The following RABEP1 variants were observed in gnomAD, a reference collection of about 807,000 sequenced individuals.
The protein encoded by RABEP1 is rab GTPase-binding effector protein 1.
In RABEP1, 51 loss-of-function variants were observed where a neutral mutation model predicts 123.4. The ratio of observed to expected loss-of-function variants is 0.41; its 90% CI spans 0.33 to 0.52. RABEP1 has a LOEUF of 0.52. Among genes scored for constraint, RABEP1 ranks in the 20% least tolerant of loss-of-function variants. The probability of loss-of-function intolerance (pLI) is 0.16; values close to 1 mark genes in which losing one functional copy is unlikely to be tolerated. For missense variants in RABEP1, 888 were observed against 996.3 expected, an observed-to-expected ratio of 0.89 and a Z score of 1.46; for synonymous variants, 347 against 355.2, an observed-to-expected ratio of 0.98 and a Z score of 0.26.
At chr17:5,368,316 G>C in intron 11 of RABEP1, 54 bp from the exon 12 acceptor site, 1 of 1,250,280 alleles carries the variant, frequency 8.0e-7, no homozygotes, top group Non-Finnish European at 1.2e-6. Flanking sequence ...GGAAGAGTTA[G>C]TTTCAGAATA....
intron 2 of RABEP1, among the ~76,000 whole-genome samples, chr17:5,321,864 C>T (rs1237635496): frequency 1.3e-5 from 2 of 152,102 alleles, no homozygotes; most frequent in Admixed American, 6.5e-5. Context: ...TTGTGATTAG[C>T]CTGGGCAACC....
rs1276409289 is a variant in RABEP1 at position 5,383,182 on chromosome 17, G to C, written c.2548G>C (p.Asp850His). The change falls in exon 18 of 18, where the codon GAT (aspartate) becomes CAT (histidine). Residue 850 changes from aspartate to histidine, a missense_variant. Coordinates refer to ENST00000537505, the MANE Select transcript of RABEP1 (RefSeq NM_004703.6). ...SLERIRAILN[D>H]TKLTDINQLP... is the part of the protein sequence containing the mutation. ...GGAGAGAATCCGGGCAATTCTGAAT[G>C]ATACTAAACTGACAGACATTAACCA... The C allele has an allele frequency of 1.2e-6, 2 of 1,614,104 alleles. No individual in the cohort carries two copies. The highest frequency in any genetic ancestry group is 1.7e-6 in the Non-Finnish European group (2 of 1,180,022).
At chr17:5,319,350 C>CAAAAAAAA in intron 2 of RABEP1, among the ~76,000 whole-genome samples, 1 of 137,878 alleles carries the variant, frequency 7.3e-6, no homozygotes, top group Non-Finnish European at 1.6e-5. Context: ...AACAAAAAAA[C>CAAAAAAAA]AAAAAAAAAA....
chr17:5,374,997 G>A (rs1242751028), intron 13 of RABEP1, among the ~76,000 whole-genome samples: 4 of 151,788 alleles, frequency 2.6e-5, no homozygotes, highest in Admixed American at 2.0e-4. Flanking sequence ...GGCTGGTCTC[G>A]AACTCCTGAT....
At chr17:5,334,080 C>T (rs1906820909) in intron 3 of RABEP1, among the ~76,000 whole-genome samples, 2 of 145,432 alleles carry the variant, frequency 1.4e-5, no homozygotes, top group African/African-American at 2.5e-5. Flanking sequence ...GATACTTAGG[C>T]TTGAGTGCAG....
chr17:5,378,123 T>C, intron 14 of RABEP1, 54 bp from the exon 15 acceptor site: 3 of 1,398,440 alleles, frequency 2.1e-6, no homozygotes, highest in Non-Finnish European at 2.0e-6. Context: ...AAGAAAAAAA[T>C]GTTCATGCAC....
chr17:5,366,206 G>T (rs182815518), intron 11 of RABEP1, among the ~76,000 whole-genome samples: 1 of 152,074 alleles, frequency 6.6e-6, no homozygotes, highest in Admixed American at 6.6e-5. Context: ...TTTCACTGTG[G>T]CTTAGTTTGC....
At position 5,386,324 on chromosome 17, in the gene RABEP1, A is replaced by T; in HGVS notation, c.*3101A>T. ...GAATTATAATAAACCATTTATATGG[A>T]TTCTTAAGAATTTAAACTGGTAATG... is the stretch of plus-strand genomic sequence containing the variant. On this transcript the variant is annotated 3_prime_UTR_variant, in exon 18 of 18. Transcript: ENST00000537505. 1 of 1,296,990 alleles carries T rather than the reference A, an allele frequency of 7.7e-7. No individual in the cohort carries two copies. The highest frequency in any genetic ancestry group is 1.3e-5 in the South Asian group (1 of 76,960). The allele number at this position is 1,296,990 out of a possible 1,614,324, so 80.3% of individuals were successfully genotyped here.
chr17:5,335,251 G>A lies in RABEP1; in HGVS notation c.435G>A (p.Gln145=), dbSNP rs754298062. 6.2e-7 allele frequency: 1 copy of A among 1,614,026 alleles called. No homozygotes were observed. The highest frequency in any genetic ancestry group is 8.5e-7 in the Non-Finnish European group (1 of 1,179,912). The change falls in exon 4 of 18, where the codon CAG becomes CAA. Residue 145 remains glutamine (Q), a synonymous_variant. Transcript: ENST00000537505. ...AGCAGGAGCGAACACAGTGGGCACA[G>A]TATAGAGAATCCGCAGAGAGGGAAA... is the stretch of plus-strand genomic sequence containing the variant. ...RLEQERTQWA[Q]YRESAEREIA...
chr17:5,368,118 C>T (rs540577545), intron 11 of RABEP1, among the ~76,000 whole-genome samples: 1 of 152,190 alleles, frequency 6.6e-6, no homozygotes, highest in South Asian at 2.1e-4. Flanking sequence ...TTACTGTCTG[C>T]CTAGAAACCC....
At chr17:5,284,200 G>A (rs1388433270) in intron 1 of RABEP1, 1 of 152,160 alleles carries the variant, frequency 6.6e-6, no homozygotes, top group East Asian at 1.9e-4. Context: ...GGTCTTCCTT[G>A]TAAATAGGCA....
chr17:5,377,520 ATTTTTTT>A (rs960634048), intron 14 of RABEP1, among the ~76,000 whole-genome samples: 6 of 99,822 alleles, frequency 6.0e-5, no homozygotes, highest in South Asian at 3.6e-4. Flanking sequence ...TATTTAAAAA[ATTTTTTT>A]TTTTTTTTTT....
intron 1 of RABEP1, among the ~76,000 whole-genome samples, chr17:5,292,339 G>C (rs1222379018): frequency 6.6e-6 from 1 of 151,118 alleles, no homozygotes; most frequent in African/African-American, 2.4e-5. Flanking sequence ...CCATTTTTTT[G>C]TGTGCATTGC....
Position 5,361,314 on chromosome 17 carries a change from GACTCAGGAGAGC to G in RABEP1, c.1205_1216del (p.Leu402_Ala405del). The G allele has an allele frequency of 1.2e-6, 2 of 1,614,180 alleles. No individual in the cohort carries two copies. On this transcript the variant is annotated inframe_deletion, in exon 9 of 18. Coordinates refer to ENST00000537505, the MANE Select transcript of RABEP1 (RefSeq NM_004703.6). ...TCGGACAATGACATGTTTAAAGATG[GACTCAGGAGAGC>G]ACAGTCTACAGACAGCTTGGGAACC...
intron 5 of RABEP1, among the ~76,000 whole-genome samples, chr17:5,344,143 T>C (rs1029837961): frequency 2.0e-5 from 3 of 152,144 alleles, no homozygotes; most frequent in African/African-American, 7.2e-5. Context: ...TGACAAAATA[T>C]TAATATCCAA....
chr17:5,295,331 A>G (rs947870249), intron 1 of RABEP1, among the ~76,000 whole-genome samples: 20 of 151,546 alleles, frequency 1.3e-4, no homozygotes, highest in Non-Finnish European at 5.9e-5. Flanking sequence ...GGAGGTTGCC[A>G]TGAGCTGAGA....
chr17:5,367,546 G>T (rs1273590370), intron 11 of RABEP1, among the ~76,000 whole-genome samples: 1 of 151,468 alleles, frequency 6.6e-6, no homozygotes, highest in East Asian at 2.0e-4. Context: ...TAGGATTACA[G>T]GCGTGAGTCA....
chr17:5,314,201 C>G (rs2075272002), intron 2 of RABEP1, among the ~76,000 whole-genome samples: 1 of 138,152 alleles, frequency 7.2e-6, no homozygotes, highest in African/African-American at 2.7e-5. Flanking sequence ...CTTTTTACTT[C>G]TCTTACTGCC....
At chr17:5,330,841 A>C (rs1324055509) in intron 2 of RABEP1, among the ~76,000 whole-genome samples, 1 of 152,022 alleles carries the variant, frequency 6.6e-6, no homozygotes, top group Admixed American at 6.6e-5. Context: ...TGGGCAGCGT[A>C]GTGAAACTTT....
Sources: allele counts gnomAD v4.1 joint callset (sites outside exome capture counted in the v4.1 genomes callset), GRCh38; gene constraint gnomAD v4.1.1; transcripts MANE v1.5; gene names NCBI Gene and HGNC (gene_info 2026-07-23, HGNC 2026-07-21).